ZWILCH: variants seen among roughly 807,000 people sequenced by gnomAD.
ZWILCH encodes zwilch kinetochore protein.
In ZWILCH, 74 loss-of-function variants were observed where a neutral mutation model predicts 79.9. That is an observed-to-expected ratio of 0.93 (90% CI 0.77 to 1.12). The LOEUF (loss-of-function observed/expected upper bound fraction) is 1.12. Ranked by LOEUF, ZWILCH falls within the 50% of genes most tolerant of loss-of-function variation. The probability of loss-of-function intolerance (pLI) is 0.00; values close to 1 mark genes in which losing one functional copy is unlikely to be tolerated. For synonymous variants in ZWILCH, 241 were observed against 228.2 expected (o/e 1.06, Z -0.51); for missense variants, 694 against 687.5 (o/e 1.01, Z -0.11).
At chr15:66,520,681 C>T in intron 6 of ZWILCH, 21 bp downstream of exon 6, 2 of 1,484,446 alleles carry the variant, frequency 1.3e-6, no homozygotes, top group Non-Finnish European at 1.8e-6. Flanking sequence ...TGCTTCTACT[C>T]ATATTATTTT....
At chr15:66,534,319 A>G (rs1269470912) in intron 14 of ZWILCH, among the ~76,000 whole-genome samples, 5 of 152,190 alleles carry the variant, frequency 3.3e-5, no homozygotes, top group African/African-American at 9.7e-5. Context: ...TGCAAATACT[A>G]TACTATTTTA....
chr15:66,548,323 T>G, intron 18 of ZWILCH, 28 bp from the exon 19 acceptor site: 1 of 418,882 alleles, frequency 2.4e-6, no homozygotes, highest in South Asian at 7.4e-5. Context: ...TTTCTGCTTA[T>G]TTTTATTTTC....
In ZWILCH at chr15:66,513,985, C is replaced by A. The variant is rs780757839; in HGVS notation, c.106-3C>A. 1.2e-6 allele frequency: 2 copies of A among 1,606,100 alleles called. No homozygotes were observed. The highest frequency in any genetic ancestry group is 2.2e-5 in the South Asian group (2 of 89,910). On this transcript the variant is annotated splice_region_variant and splice_polypyrimidine_tract_variant and intron_variant, in intron 2 of 18. Coordinates refer to ENST00000307897, the MANE Select transcript of ZWILCH (RefSeq NM_017975.5). ...TAATGTTGCTCGATACCTGTTTTAA[C>A]AGGCTGATGTCCAAGTGCAGTTGAT... is the stretch of plus-strand genomic sequence containing the variant.
intron 5 of ZWILCH, among the ~76,000 whole-genome samples, chr15:66,519,854 G>A (rs1021697904): frequency 3.3e-4 from 50 of 152,156 alleles, no homozygotes; most frequent in African/African-American, 1.2e-3. Context: ...TTAGGGTACC[G>A]TAGTGCATTC....
rs201185131 is a variant in ZWILCH, at chr15:66,522,335, T to C, written c.747+1130T>C. Reference sequence around the variant, plus strand: ...ATAGTTGAAATAGATTTCTTTCTTTTTTTTTTTTTTTTTTCTGGGGCGGAG... The same window carrying C: ...ATAGTTGAAATAGATTTCTTTCTTTCTTTTTTTTTTTTTTCTGGGGCGGAG... On this transcript the variant is annotated intron_variant, in intron 7 of 18. Coordinates refer to ENST00000307897, the MANE Select transcript of ZWILCH (RefSeq NM_017975.5). Among the ~76,000 whole-genome samples, 255 of 150,944 alleles carry C rather than the reference T, an allele frequency of 1.7e-3. 1 individual carries two copies. In the East Asian group the frequency reaches 0.022, roughly 13 times the overall value.
At chr15:66,545,509 A>G (rs538857162) in intron 17 of ZWILCH, among the ~76,000 whole-genome samples, 1 of 152,356 alleles carries the variant, frequency 6.6e-6, no homozygotes, top group Admixed American at 6.5e-5. Flanking sequence ...AACAAAAAAG[A>G]GTGAAAGTTA....
intron 18 of ZWILCH, chr15:66,547,276 C>T (rs1450266670): frequency 2.1e-5 from 3 of 144,494 alleles, no homozygotes; most frequent in African/African-American, 7.7e-5. Flanking sequence ...CGGCTCACTG[C>T]AAGCTCCGCC....
At position 66,510,156 on chromosome 15, in the gene ZWILCH, C is replaced by T. The variant is rs543663007; in HGVS notation, c.105+1264C>T. On this transcript the variant is annotated intron_variant, in intron 2 of 18. Transcript: ENST00000307897. ...TTAAGCCATTGTACTCCAGCCTGGG[C>T]GACAGAGTGAAACTCCGTCTCTAAT... Among the ~76,000 whole-genome samples the T allele has an allele frequency of 6.8e-5, 10 of 146,494 alleles. No individual in the cohort carries two copies. The South Asian group carries it at 1.5e-3, about 22-fold the overall frequency.
At position 66,528,956 on chromosome 15, in the gene ZWILCH, T is replaced by C; in HGVS notation, c.1074T>C (p.Ser358=). 1 of 1,610,414 alleles carries C rather than the reference T, an allele frequency of 6.2e-7. No individual in the cohort carries two copies. The highest frequency in any genetic ancestry group is 2.2e-5 in the East Asian group (1 of 44,870). ...AGCAACTGTGGTGCAAAATGAGCAG[T>C]AGTAGGTGTCCATCATGATTTAAAT... ...FAEQLWCKMS[S]SVISYQDLVK... The change falls in exon 11 of 19, where the codon AGT becomes AGC. Residue 358 remains serine (S), a splice_region_variant and synonymous_variant. Coordinates refer to ENST00000307897, the MANE Select transcript of ZWILCH (RefSeq NM_017975.5).
chr15:66,518,033 G>A (rs1894352645), intron 4 of ZWILCH, among the ~76,000 whole-genome samples: 1 of 151,590 alleles, frequency 6.6e-6, no homozygotes, highest in Admixed American at 6.6e-5. Context: ...GCCCGGCCTG[G>A]CTCCTACTTA....
rs1360040263 is a variant in ZWILCH at position 66,508,821 on chromosome 15, C to T, written c.54-20C>T. 2 of 1,613,766 alleles carry T rather than the reference C, an allele frequency of 1.2e-6. No individual in the cohort carries two copies. The highest frequency in any genetic ancestry group is 2.2e-5 in the South Asian group (2 of 91,050). ...AGAGATAATGTAGTTCTGTTTTTCA[C>T]ATGTGGTTCTGCGTTTCAGGAAATT... On this transcript the variant is annotated intron_variant, in intron 1 of 18. Transcript: ENST00000307897.
In ZWILCH at chr15:66,535,918, A is replaced by G. The variant is rs570650554; in HGVS notation, c.1342-15A>G. ...TGCTTTAAATCTCTATTTTGCTTAT[A>G]TTTTTTCATTCCAGGAATACTTCAT... On this transcript the variant is annotated splice_polypyrimidine_tract_variant and intron_variant, in intron 14 of 18. Coordinates refer to ENST00000307897, the MANE Select transcript of ZWILCH (RefSeq NM_017975.5). 5 of 1,587,770 alleles carry G rather than the reference A, an allele frequency of 3.1e-6. No homozygotes were observed. Among genetic ancestry groups the G allele is most frequent in the Non-Finnish European group, 2.6e-6 (3 of 1,171,910 alleles).
In ZWILCH at chr15:66,517,322, T is replaced by A. The variant is rs1894301969; in HGVS notation, c.321-1557T>A. 5.3e-5 allele frequency among the ~76,000 whole-genome samples: 8 copies of A among 151,174 alleles called. No individual in the cohort carries two copies. The South Asian group carries it at 1.7e-3, about 32-fold the overall frequency. On this transcript the variant is annotated intron_variant, in intron 4 of 18. Coordinates refer to ENST00000307897, the MANE Select transcript of ZWILCH (RefSeq NM_017975.5). ...AAGCAGTGTATTGCTATGTATGTAT[T>A]CATATATAGTTATATATGTATATTG...
chr15:66,514,332 G>C, intron 3 of ZWILCH: 1 of 212,598 alleles, frequency 4.7e-6, no homozygotes, highest in South Asian at 6.1e-5. Flanking sequence ...TTGAGATGGA[G>C]TCTCGCTCCG....
chr15:66,521,153 GTCCTGTGGATGAGATTCTTCAAA>G lies in ZWILCH; in HGVS notation c.699_721del (p.Val234SerfsTer11). The stretch of plus-strand genomic sequence containing the variant: ...GCGATCGCTTTGGATATTTCCTGGA[GTCCTGTGGATGAGATTCTTCAAA>G]TCCCTCCACTCTCTTCAACTGCAAC... On this transcript the variant is annotated frameshift_variant, in exon 7 of 19. Transcript: ENST00000307897. LOFTEE classifies it high-confidence loss of function. 2 of 1,613,900 alleles carry G rather than the reference GTCCTGTGGATGAGATTCTTCAAA, an allele frequency of 1.2e-6. No homozygotes were observed. Among genetic ancestry groups the G allele is most frequent in the Non-Finnish European group, 1.7e-6 (2 of 1,180,042 alleles).
intron 16 of ZWILCH, among the ~76,000 whole-genome samples, chr15:66,538,270 T>G (rs1161569542): frequency 6.6e-6 from 1 of 152,246 alleles, no homozygotes; most frequent in Admixed American, 6.5e-5. Flanking sequence ...CTGGCAAAGG[T>G]CACCAATGAC....
intron 4 of ZWILCH, among the ~76,000 whole-genome samples, chr15:66,517,014 A>G (rs1894287696): frequency 6.6e-6 from 1 of 152,110 alleles, no homozygotes; most frequent in Non-Finnish European, 1.5e-5. Context: ...TCTTTTTGGA[A>G]GTAAAATCCC....
intron 4 of ZWILCH, 97 bp downstream of exon 4, chr15:66,515,741 C>A: frequency 2.5e-6 from 2 of 795,936 alleles, no homozygotes; most frequent in African/African-American, 1.7e-5. Flanking sequence ...GCCCTTATAT[C>A]TTCCTTCATC....
chr15:66,532,516 C>A, intron 13 of ZWILCH, 113 bp downstream of exon 13: 2 of 904,300 alleles, frequency 2.2e-6, no homozygotes, highest in Non-Finnish European at 3.2e-6. Context: ...TCCTTCCTGG[C>A]TTTGTACCTG....
Sources: allele counts gnomAD v4.1 joint callset (sites outside exome capture counted in the v4.1 genomes callset), GRCh38; gene constraint gnomAD v4.1.1; transcripts MANE v1.5; gene names NCBI Gene and HGNC (gene_info 2026-07-23, HGNC 2026-07-21).